RAP1GAP2: variants seen among roughly 807,000 people sequenced by gnomAD.
The protein encoded by RAP1GAP2 is rap1 GTPase-activating protein 2.
Under a neutral mutation model 95.0 loss-of-function variants are expected in RAP1GAP2, and 27 were observed. That is an observed-to-expected ratio of 0.28 (90% CI 0.21 to 0.39). The LOEUF is 0.39. Among genes scored for constraint, RAP1GAP2 ranks in the 10% least tolerant of loss-of-function variants. The pLI, the probability that RAP1GAP2 is intolerant of heterozygous loss-of-function variation, is 1.00. For missense variants in RAP1GAP2, 771 were observed against 970.0 expected (o/e 0.79, Z 2.72); for synonymous variants, 373 against 380.9 (o/e 0.98, Z 0.24).
chr17:2,931,722 T>C (rs1389701514), intron 3 of RAP1GAP2, among the ~76,000 whole-genome samples: 1 of 152,188 alleles, frequency 6.6e-6, no homozygotes. Context: ...AACTGGAAGA[T>C]GGGAAAGGAA....
rs550064960 is a variant in RAP1GAP2, at chr17:2,971,249, C to T, written c.596+5606C>T. ...ATAACAAAATAATGATTTAAAAAAACCACTAAACCACTGAGAAGTAAACAA... is the reference window on the plus strand; with the variant it reads ...ATAACAAAATAATGATTTAAAAAAATCACTAAACCACTGAGAAGTAAACAA... On this transcript the variant is annotated intron_variant, in intron 8 of 24. Coordinates refer to ENST00000254695, the MANE Select transcript of RAP1GAP2 (RefSeq NM_015085.5). Among the ~76,000 whole-genome samples the T allele has an allele frequency of 4.6e-5, 7 of 152,054 alleles. No individual in the cohort carries two copies. The East Asian group carries it at 1.4e-3, about 29-fold the overall frequency.
At chr17:2,991,156 C>T (rs1055277123) in intron 11 of RAP1GAP2, 141 bp from the exon 12 acceptor site, 3 of 686,644 alleles carry the variant, frequency 4.4e-6, no homozygotes, top group Non-Finnish European at 7.6e-6. Flanking sequence ...ACCCCAGTCC[C>T]ACTGAGGGCA....
chr17:2,948,060 G>A (rs1417776583), intron 3 of RAP1GAP2, among the ~76,000 whole-genome samples: 3 of 152,160 alleles, frequency 2.0e-5, no homozygotes, highest in South Asian at 4.1e-4. Flanking sequence ...TGGGGTGGGC[G>A]GGAATAACGA....
chr17:2,836,015 G>A (rs1207888357), intron 2 of RAP1GAP2, among the ~76,000 whole-genome samples: 1 of 151,700 alleles, frequency 6.6e-6, no homozygotes, highest in Admixed American at 6.6e-5. Flanking sequence ...GGCGGGGTGT[G>A]TTGGTGCATC....
intron 2 of RAP1GAP2, among the ~76,000 whole-genome samples, chr17:2,813,078 T>TC (rs1468337606): frequency 6.6e-6 from 1 of 151,176 alleles, no homozygotes; most frequent in Non-Finnish European, 1.5e-5. Context: ...ATCAGTACTT[T>TC]TTTTTTTTTT....
At chr17:2,931,323 G>A (rs1383544358) in intron 3 of RAP1GAP2, among the ~76,000 whole-genome samples, 2 of 146,122 alleles carry the variant, frequency 1.4e-5, no homozygotes, top group East Asian at 1.9e-4. Context: ...TTGGGTGAAC[G>A]TGACTGTGAA....
intron 2 of RAP1GAP2, among the ~76,000 whole-genome samples, chr17:2,816,854 T>C (rs2070048347): frequency 8.3e-6 from 1 of 121,140 alleles, no homozygotes; most frequent in African/African-American, 2.7e-5. Context: ...TCTGTTTCTA[T>C]GAATTTGACT....
At chr17:2,815,849 C>T (rs1290633053) in intron 2 of RAP1GAP2, among the ~76,000 whole-genome samples, 2 of 152,374 alleles carry the variant, frequency 1.3e-5, no homozygotes, top group African/African-American at 4.8e-5. Context: ...GATGTGCCCT[C>T]GTGCCTGCAG....
In RAP1GAP2 at chr17:3,005,110, C is replaced by A. The variant is rs2046293209; in HGVS notation, c.1201-259C>A. On this transcript the variant is annotated intron_variant, in intron 14 of 24. Transcript: ENST00000254695. This position sits in a 1 kb window ranked among gnomAD's most constrained non-coding sequence, Gnocchi z 5.2. ...TATGGCATTAAAATTAGGGTCCCAGCCCTGTCCAGTCATCTTGCCAAACCT... is the reference window on the plus strand; with the variant it reads ...TATGGCATTAAAATTAGGGTCCCAGACCTGTCCAGTCATCTTGCCAAACCT... Among the ~76,000 whole-genome samples the A allele has an allele frequency of 6.6e-6, 1 of 152,146 alleles. No individual in the cohort carries two copies. The highest frequency in any genetic ancestry group is 1.9e-4 in the East Asian group (1 of 5,192).
rs183139792 is a variant in RAP1GAP2, at chr17:2,874,768, T to C, written c.81-30516T>C. Among the ~76,000 whole-genome samples the C allele has an allele frequency of 1.8e-3, 271 of 152,206 alleles. 1 individual carries two copies. The highest frequency in any genetic ancestry group is 6.4e-3 in the African/African-American group (265 of 41,528). On this transcript the variant is annotated intron_variant, in intron 2 of 24. Coordinates refer to ENST00000254695, the MANE Select transcript of RAP1GAP2 (RefSeq NM_015085.5). ...CGTTTAGCTTGCGAGCTCTCTGCTC[T>C]CCTGTATAGCAGAAGTTCTTGAAGT...
intron 3 of RAP1GAP2, among the ~76,000 whole-genome samples, chr17:2,946,150 G>C (rs1469694302): frequency 6.6e-6 from 1 of 152,128 alleles, no homozygotes; most frequent in African/African-American, 2.4e-5. Context: ...ATTCCACTTG[G>C]TCATGGAATA....
In RAP1GAP2 at chr17:3,003,366, T is replaced by C. The variant is rs1379070811; in HGVS notation, c.1201-2003T>C. Among the ~76,000 whole-genome samples, 2 of 151,962 alleles carry C rather than the reference T, an allele frequency of 1.3e-5. No homozygotes were observed. The highest frequency in any genetic ancestry group is 2.9e-5 in the Non-Finnish European group (2 of 68,010). On this transcript the variant is annotated intron_variant, in intron 14 of 24. Coordinates refer to ENST00000254695, the MANE Select transcript of RAP1GAP2 (RefSeq NM_015085.5). This position sits in a 1 kb window ranked among gnomAD's most constrained non-coding sequence, Gnocchi z 4.1. ...CTCAGCCATCACCAGGACTACCCCT[T>C]TCCCTCCCCCCTATCCCTGCCTCCC...
chr17:2,807,657 A>G (rs2069576814), intron 2 of RAP1GAP2, among the ~76,000 whole-genome samples: 1 of 152,122 alleles, frequency 6.6e-6, no homozygotes, highest in Non-Finnish European at 1.5e-5. Flanking sequence ...TCACGAAGGC[A>G]GTGGGGCGTG....
chr17:3,029,770 G>A lies in RAP1GAP2; in HGVS notation c.2108-1152G>A, dbSNP rs927392040. On this transcript the variant is annotated intron_variant, in intron 22 of 24. Transcript: ENST00000254695. This position sits in a 1 kb window ranked among gnomAD's most constrained non-coding sequence, Gnocchi z 4.4. ...GGCCCTCCTGCCAGCGGGGCACAGC[G>A]GGAAATGTTGACACCGGGCTCTGCC... is the stretch of plus-strand genomic sequence containing the variant. Among the ~76,000 whole-genome samples, 10 of 152,154 alleles carry A rather than the reference G, an allele frequency of 6.6e-5. No homozygotes were observed. Among genetic ancestry groups the A allele is most frequent in the Admixed American group, 3.3e-4 (5 of 15,270 alleles).
At chr17:2,774,816 CT>C (rs370177422), upstream of RAP1GAP2, among the ~76,000 whole-genome samples, 2,939 of 130,342 alleles carry the variant, frequency 0.023, 83 homozygotes, top group African/African-American at 0.065. Context: ...CCCTGCTATC[CT>C]TTTTTTTTTT....
At chr17:2,939,768 G>A (rs538259466) in intron 3 of RAP1GAP2, among the ~76,000 whole-genome samples, 1 of 152,340 alleles carries the variant, frequency 6.6e-6, no homozygotes, top group African/African-American at 2.4e-5. Context: ...GCTGGCGTGG[G>A]GCCTCTCCCT....
At chr17:3,025,691 A>G (rs1004894344) in intron 19 of RAP1GAP2, among the ~76,000 whole-genome samples, 2 of 151,834 alleles carry the variant, frequency 1.3e-5, no homozygotes, top group Admixed American at 6.6e-5. Flanking sequence ...TTGACCCACA[A>G]CTCCGCCAGG....
intron 2 of RAP1GAP2, among the ~76,000 whole-genome samples, chr17:2,887,739 A>T (rs1490583438): frequency 6.7e-6 from 1 of 149,708 alleles, no homozygotes; most frequent in Non-Finnish European, 1.5e-5. Flanking sequence ...CAGTGATGCA[A>T]TCTCAGCTCA....
At position 3,036,821 on chromosome 17, in the gene RAP1GAP2, G is replaced by A. The variant is rs1476000719; in HGVS notation, c.*3460G>A. On this transcript the variant is annotated 3_prime_UTR_variant, in exon 25 of 25. Transcript: ENST00000254695. ...CCGTGACAAGGCAGGACAAGAGCCT[G>A]TTTCGCTTTCCTCCCTGACCCTGCC... 3 of 152,668 alleles carry A rather than the reference G, an allele frequency of 2.0e-5. No individual in the cohort carries two copies. Among genetic ancestry groups the A allele is most frequent in the South Asian group, 2.1e-4 (1 of 4,832 alleles). 9.5% of individuals were successfully genotyped at this position (152,668 alleles called of 1,614,324 possible). A position where few individuals can be genotyped will look rare whatever the true frequency, so the allele number is the denominator to read the frequency against.
Sources: allele counts gnomAD v4.1 joint callset (sites outside exome capture counted in the v4.1 genomes callset), GRCh38; gene constraint gnomAD v4.1.1; non-coding constraint Gnocchi (gnomAD v3.1); transcripts MANE v1.5; gene names NCBI Gene and HGNC (gene_info 2026-07-23, HGNC 2026-07-21).